Variants in CLVS2 observed in about 807,000 individuals in gnomAD.
CLVS2 encodes clavesin-2.
Under a neutral mutation model 29.0 loss-of-function variants are expected in CLVS2, and 19 were observed. That is an observed-to-expected ratio of 0.66 (90% CI 0.46 to 0.96). CLVS2 has a LOEUF of 0.96. CLVS2 is among the 40% of genes least tolerant of loss of function. The probability of loss-of-function intolerance (pLI) is 0.00; values close to 1 mark genes in which losing one functional copy is unlikely to be tolerated. For synonymous variants in CLVS2, 161 were observed against 151.3 expected (o/e 1.06, Z -0.47); for missense variants, 294 against 404.1 (o/e 0.73, Z 2.34).
intron 2 of CLVS2, among the ~76,000 whole-genome samples, chr6:123,006,409 T>C (rs1424306826): frequency 6.6e-6 from 1 of 152,106 alleles, no homozygotes; most frequent in Non-Finnish European, 1.5e-5. Context: ...GGCCAATTAA[T>C]GTTTTAGGAC....
chr6:123,043,689 T>C (rs1461108746), intron 3 of CLVS2, among the ~76,000 whole-genome samples: 1 of 152,210 alleles, frequency 6.6e-6, no homozygotes, highest in Non-Finnish European at 1.5e-5. Context: ...TTAATTCTTA[T>C]AGAAAAGTTC....
At chr6:123,042,367 C>G (rs987320974) in intron 3 of CLVS2, among the ~76,000 whole-genome samples, 4 of 152,098 alleles carry the variant, frequency 2.6e-5, no homozygotes, top group Non-Finnish European at 5.9e-5. Context: ...AGACTAACTA[C>G]TTCTTTTTTC....
rs1772932486 is a variant in CLVS2, at chr6:123,070,745, AC to A, written c.*6988del. 2 of 151,892 alleles carry A rather than the reference AC, an allele frequency of 1.3e-5. No individual in the cohort carries two copies. The highest frequency in any genetic ancestry group is 4.8e-5 in the African/African-American group (2 of 41,352). 9.4% of individuals were successfully genotyped at this position (151,892 alleles called of 1,614,324 possible). A position where few individuals can be genotyped will look rare whatever the true frequency, so the allele number is the denominator to read the frequency against. The stretch of plus-strand genomic sequence containing the variant: ...TAATTTCTTGCTTCTGAAGTTCTCT[AC>A]CCCGTTCTTGCCTTTTCTTAGATAA... On this transcript the variant is annotated 3_prime_UTR_variant, in exon 6 of 6. Coordinates refer to ENST00000275162, the MANE Select transcript of CLVS2 (RefSeq NM_001010852.4).
In CLVS2 at chr6:122,997,855, G is replaced by C; in HGVS notation, c.78G>C (p.Thr26=). ...ARLELNENPD[T]LHQDIQEVRD... ...TGGAGCTCAATGAAAACCCAGACAC[G>C]CTGCACCAGGACATCCAGGAGGTGA... The change falls in exon 2 of 6, where the codon ACG becomes ACC. Residue 26 remains threonine, a synonymous_variant. Transcript: ENST00000275162. The C allele has an allele frequency of 6.2e-7, 1 of 1,614,162 alleles. No individual in the cohort carries two copies. Among genetic ancestry groups the C allele is most frequent in the Non-Finnish European group, 8.5e-7 (1 of 1,180,022 alleles).
At chr6:123,012,577 A>C (rs1774765201) in intron 3 of CLVS2, among the ~76,000 whole-genome samples, 2 of 151,958 alleles carry the variant, frequency 1.3e-5, no homozygotes, top group Non-Finnish European at 2.9e-5. Context: ...TACTGTGATA[A>C]GTCATTGCAG....
intron 3 of CLVS2, among the ~76,000 whole-genome samples, chr6:123,046,774 T>C: frequency 6.6e-6 from 1 of 152,180 alleles, no homozygotes; most frequent in East Asian, 1.9e-4. Context: ...AGGTTAACAA[T>C]TTTTAAAGAT....
chr6:123,042,346 T>G (rs183126050), intron 3 of CLVS2, among the ~76,000 whole-genome samples: 1 of 152,220 alleles, frequency 6.6e-6, no homozygotes, highest in East Asian at 1.9e-4. Flanking sequence ...ATTATTGCTT[T>G]CCTACATATC....
intron 2 of CLVS2, among the ~76,000 whole-genome samples, chr6:122,998,761 G>A (rs12197639): frequency 0.25 from 38,389 of 152,026 alleles, 5,212 homozygotes; most frequent in Non-Finnish European, 0.31. Flanking sequence ...CTGTCGCTGA[G>A]CATGCCTGCT....
chr6:123,018,113 A>G (rs1774863349), intron 3 of CLVS2, among the ~76,000 whole-genome samples: 1 of 152,142 alleles, frequency 6.6e-6, no homozygotes, highest in African/African-American at 2.4e-5. Context: ...CTAATGACAA[A>G]TGGATAAAAA....
intron 3 of CLVS2, among the ~76,000 whole-genome samples, chr6:123,017,953 A>G (rs1303309049): frequency 6.6e-6 from 1 of 152,120 alleles, no homozygotes; most frequent in Non-Finnish European, 1.5e-5. Flanking sequence ...ACTGAATTAA[A>G]GAGAATTACT....
At chr6:123,049,197 A>G (rs1772566959) in intron 4 of CLVS2, among the ~76,000 whole-genome samples, 1 of 152,198 alleles carries the variant, frequency 6.6e-6, no homozygotes, top group Non-Finnish European at 1.5e-5. Context: ...CACATTTTGA[A>G]AAGAATGCTA....
intron 5 of CLVS2, among the ~76,000 whole-genome samples, chr6:123,063,235 CAT>C (rs1323919179): frequency 6.6e-6 from 1 of 151,706 alleles, no homozygotes; most frequent in African/African-American, 2.4e-5. Context: ...GCTTTTTTTT[CAT>C]ATGTTTTTTA....
intron 3 of CLVS2, among the ~76,000 whole-genome samples, chr6:123,016,021 C>CTTTTTTT (rs58103603): frequency 3.9e-5 from 2 of 50,820 alleles, no homozygotes; most frequent in Non-Finnish European, 6.6e-5. Context: ...CAACATCAGA[C>CTTTTTTT]TTTTTTTTTT....
chr6:123,014,508 G>T (rs1774798141), intron 3 of CLVS2, among the ~76,000 whole-genome samples: 1 of 152,046 alleles, frequency 6.6e-6, no homozygotes, highest in Non-Finnish European at 1.5e-5. Flanking sequence ...GACAGAACAG[G>T]ATTTGGATGG....
intron 5 of CLVS2, 60 bp from the exon 6 acceptor site, chr6:123,063,614 G>T (rs927603557): frequency 4.7e-5 from 43 of 912,312 alleles, no homozygotes; most frequent in Non-Finnish European, 2.3e-5. Flanking sequence ...AAAGAGGAGA[G>T]AATGTCATCT....
intron 3 of CLVS2, among the ~76,000 whole-genome samples, chr6:123,044,926 G>C (rs1019900441): frequency 2.1e-4 from 32 of 152,090 alleles, no homozygotes; most frequent in Admixed American, 2.0e-3. Context: ...CTCTTCCATG[G>C]TCATTTCCAC....
At chr6:123,035,711 A>T (rs1011882226) in intron 3 of CLVS2, among the ~76,000 whole-genome samples, 4 of 152,030 alleles carry the variant, frequency 2.6e-5, no homozygotes, top group African/African-American at 9.7e-5. Context: ...TGCTTTGTTC[A>T]GTTAGGTATC....
intron 2 of CLVS2, among the ~76,000 whole-genome samples, chr6:123,002,041 C>A (rs1257256294): frequency 6.6e-6 from 1 of 152,166 alleles, no homozygotes; most frequent in East Asian, 1.9e-4. Flanking sequence ...AACCATTTAT[C>A]TGGAATATGG....
intron 4 of CLVS2, among the ~76,000 whole-genome samples, chr6:123,052,594 A>G (rs139930512): frequency 6.6e-6 from 1 of 152,306 alleles, no homozygotes; most frequent in Non-Finnish European, 1.5e-5. Context: ...TAGCTGTGTT[A>G]TGGGTGTAGG....
Sources: allele counts gnomAD v4.1 joint callset (sites outside exome capture counted in the v4.1 genomes callset), GRCh38; gene constraint gnomAD v4.1.1; transcripts MANE v1.5; gene names NCBI Gene and HGNC (gene_info 2026-07-23, HGNC 2026-07-21).